TRIM2: variants seen among roughly 807,000 people sequenced by gnomAD.
The protein encoded by TRIM2 is tripartite motif containing 2.
A neutral mutation model predicts 75.2 loss-of-function variants in TRIM2; 20 were observed. The observed-to-expected ratio is 0.27, with a 90% CI of 0.19 to 0.39. TRIM2 has a LOEUF of 0.39. Among genes scored for constraint, TRIM2 ranks in the 10% least tolerant of loss-of-function variants. The probability of loss-of-function intolerance (pLI) is 1.00; values close to 1 mark genes in which losing one functional copy is unlikely to be tolerated. For synonymous variants in TRIM2, 373 were observed against 388.3 expected, an observed-to-expected ratio of 0.96 and a Z score of 0.46; for missense variants, 660 against 990.8, an observed-to-expected ratio of 0.67 and a Z score of 4.48.
At chr4:153,239,560 AG>A (rs1374539651) in intron 1 of TRIM2, among the ~76,000 whole-genome samples, 14 of 152,144 alleles carry the variant, frequency 9.2e-5, no homozygotes, top group African/African-American at 3.4e-4. Flanking sequence ...TTAGTGTAAA[AG>A]TGCCTTGTGT....
intron 3 of TRIM2, among the ~76,000 whole-genome samples, chr4:153,287,663 T>G (rs987134879): frequency 6.6e-6 from 1 of 152,230 alleles, no homozygotes; most frequent in African/African-American, 2.4e-5. Context: ...TAATTCAAAT[T>G]AATACCAACA....
intron 1 of TRIM2, among the ~76,000 whole-genome samples, chr4:153,212,183 T>C (rs1345306920): frequency 6.6e-6 from 1 of 152,170 alleles, no homozygotes; most frequent in Non-Finnish European, 1.5e-5. Flanking sequence ...GTGGTACATA[T>C]ACACCATGGA....
At chr4:153,316,660 A>G (rs17278407) in intron 8 of TRIM2, among the ~76,000 whole-genome samples, 1,774 of 152,270 alleles carry the variant, frequency 0.012, 24 homozygotes, top group Non-Finnish European at 0.02. Context: ...TATATTTGCT[A>G]TCATTCCCAG....
chr4:153,244,260 TCCTCCTCC>T (rs1560873113), intron 1 of TRIM2, among the ~76,000 whole-genome samples: 199 of 4,400 alleles, frequency 0.045, 28 homozygotes, highest in Middle Eastern at 0.25. Flanking sequence ...TCTTTCCTCC[TCCTCCTCC>T]TCCTCCTCCT....
intron 1 of TRIM2, among the ~76,000 whole-genome samples, chr4:153,169,946 T>G (rs1335554890): frequency 6.6e-6 from 1 of 152,218 alleles, no homozygotes; most frequent in African/African-American, 2.4e-5. Context: ...ATCAGGCACA[T>G]TCTAACTTCA....
At chr4:153,164,234 C>T (rs1730056688) in intron 1 of TRIM2, among the ~76,000 whole-genome samples, 1 of 152,150 alleles carries the variant, frequency 6.6e-6, no homozygotes, top group Admixed American at 6.5e-5. Flanking sequence ...TAACTCCTGG[C>T]CTCAAGCAAT....
At chr4:153,278,878 A>G (rs1308132000) in intron 3 of TRIM2, among the ~76,000 whole-genome samples, 2 of 152,224 alleles carry the variant, frequency 1.3e-5, no homozygotes, top group Non-Finnish European at 2.9e-5. Context: ...AATTCAGGCA[A>G]CAGCTTATAG....
At chr4:153,236,027 T>C (rs1236829802) in intron 1 of TRIM2, among the ~76,000 whole-genome samples, 1 of 152,092 alleles carries the variant, frequency 6.6e-6, no homozygotes, top group Non-Finnish European at 1.5e-5. Flanking sequence ...CCCCATGCTG[T>C]ACTCATGATT....
chr4:153,212,455 G>C (rs1455203349), intron 1 of TRIM2, among the ~76,000 whole-genome samples: 1 of 152,146 alleles, frequency 6.6e-6, no homozygotes, highest in African/African-American at 2.4e-5. Flanking sequence ...TTACTCAGAT[G>C]ATGAGTACAC....
At chr4:153,311,671 CAGTT>C (rs1481687538) in intron 6 of TRIM2, among the ~76,000 whole-genome samples, 1 of 132,410 alleles carries the variant, frequency 7.6e-6, no homozygotes, top group South Asian at 2.6e-4. Flanking sequence ...GGTCCAGCCT[CAGTT>C]AATTGGTCTT....
intron 1 of TRIM2, among the ~76,000 whole-genome samples, chr4:153,269,661 G>C (rs1756138380): frequency 6.6e-6 from 1 of 152,152 alleles, no homozygotes; most frequent in African/African-American, 2.4e-5. Flanking sequence ...TTTAAATATA[G>C]TCATGGCTAA....
At chr4:153,317,912 A>T (rs1768049902) in intron 8 of TRIM2, among the ~76,000 whole-genome samples, 1 of 151,350 alleles carries the variant, frequency 6.6e-6, no homozygotes, top group African/African-American at 2.4e-5. Context: ...GTCACCCGTG[A>T]CTACACCTGT....
chr4:153,153,849 C>T (rs1303917971), intron 1 of TRIM2, among the ~76,000 whole-genome samples: 1 of 152,216 alleles, frequency 6.6e-6, no homozygotes, highest in Non-Finnish European at 1.5e-5. Flanking sequence ...CCCTGCAGGC[C>T]TCAGTCTCTC....
rs1772580010 is a variant in TRIM2 at position 153,337,446 on chromosome 4, C to T, written c.*2480C>T. Reference sequence around the variant, plus strand: ...ACTGGAATGAAAGAATAGTTTGATTCAGACCTGCTCCACTATGTGTTGCTA... The same window carrying T: ...ACTGGAATGAAAGAATAGTTTGATTTAGACCTGCTCCACTATGTGTTGCTA... On this transcript the variant is annotated 3_prime_UTR_variant, in exon 12 of 12. Transcript: ENST00000338700. 1 of 985,842 alleles carries T rather than the reference C, an allele frequency of 1.0e-6. No individual in the cohort carries two copies. Among genetic ancestry groups the T allele is most frequent in the African/African-American group, 1.7e-5 (1 of 57,348 alleles). The allele number at this position is 985,842 out of a possible 1,614,324, so 61.1% of individuals were successfully genotyped here.
At chr4:153,222,915 C>G (rs879028130) in intron 1 of TRIM2, 2 of 152,054 alleles carry the variant, frequency 1.3e-5, no homozygotes, top group South Asian at 4.1e-4. Flanking sequence ...CTGCCCGCTG[C>G]CTGATGTCGT....
intron 1 of TRIM2, among the ~76,000 whole-genome samples, chr4:153,247,709 GGCATATCTCTTCTGATTTT>G (rs1749647527): frequency 6.9e-6 from 1 of 145,954 alleles, no homozygotes; most frequent in Non-Finnish European, 1.5e-5. Context: ...AAACTGTATA[GGCATATCTCTTCTGATTTT>G]GCATGATTCT....
At chr4:153,247,521 C>CA (rs927362663) in intron 1 of TRIM2, among the ~76,000 whole-genome samples, 3 of 151,850 alleles carry the variant, frequency 2.0e-5, no homozygotes, top group African/African-American at 4.8e-5. Context: ...ACTAAAAATA[C>CA]AAAAAAATTA....
chr4:153,220,292 A>G (rs1739592400), intron 1 of TRIM2, among the ~76,000 whole-genome samples: 1 of 151,754 alleles, frequency 6.6e-6, no homozygotes, highest in African/African-American at 2.4e-5. Context: ...GAAAAAAAAA[A>G]TCAAAGTTCT....
At chr4:153,321,284 A>G (rs1768919923) in intron 8 of TRIM2, among the ~76,000 whole-genome samples, 1 of 152,254 alleles carries the variant, frequency 6.6e-6, no homozygotes, top group African/African-American at 2.4e-5. Context: ...TGTGCCTAGA[A>G]TACCGTCAGG....
Sources: gnomAD v4.1 joint callset for allele counts (sites outside exome capture counted in the v4.1 genomes callset) on GRCh38, gnomAD v4.1.1 for gene constraint, MANE v1.5 for transcripts, NCBI Gene and HGNC (gene_info 2026-07-23, HGNC 2026-07-21) for gene names.